LINGO2: variants seen among roughly 807,000 people sequenced by gnomAD.
LINGO2 encodes leucine rich repeat and Ig domain containing 2.
Under a neutral mutation model 30.6 loss-of-function variants are expected in LINGO2, and 14 were observed. The ratio of observed to expected loss-of-function variants is 0.46; its 90% CI spans 0.30 to 0.72. The LOEUF (loss-of-function observed/expected upper bound fraction) is 0.72, where lower values mean the gene tolerates loss of function less well. Ranked by LOEUF, LINGO2 falls within the 30% of genes least tolerant of loss-of-function variation. The probability of loss-of-function intolerance (pLI) is 0.07; values close to 1 mark genes in which losing one functional copy is unlikely to be tolerated. For missense variants in LINGO2, 729 were observed against 751.7 expected, an observed-to-expected ratio of 0.97 and a Z score of 0.35; for synonymous variants, 317 against 288.5, an observed-to-expected ratio of 1.10 and a Z score of -1.00.
At chr9:29,131,465 T>C in the LINGO2 span, among the ~76,000 whole-genome samples, 36,531 of 151,904 alleles carry the variant, frequency 0.24, 4,529 homozygotes, top group East Asian at 0.4. Flanking sequence ...CATCCAAATA[T>C]ACTGCCATCC....
At chr9:28,324,823 G>GC (rs1187621509) in intron 3 of LINGO2, among the ~76,000 whole-genome samples, 1 of 152,076 alleles carries the variant, frequency 6.6e-6, no homozygotes, top group Non-Finnish European at 1.5e-5. Flanking sequence ...CAGCTGAGCA[G>GC]CCCATGCCAC....
chr9:28,982,117 CT>C, the LINGO2 span, among the ~76,000 whole-genome samples: 1 of 152,040 alleles, frequency 6.6e-6, no homozygotes, highest in African/African-American at 2.4e-5. Context: ...GGCATATATA[CT>C]TTAAAAATTC....
At chr9:28,570,522 T>C (rs1823634838) in intron 1 of LINGO2, among the ~76,000 whole-genome samples, 1 of 151,896 alleles carries the variant, frequency 6.6e-6, no homozygotes, top group Admixed American at 6.6e-5. Flanking sequence ...TTAAATTTTC[T>C]TTCTGGATAT....
At chr9:28,371,573 G>A (rs1164268554) in intron 3 of LINGO2, among the ~76,000 whole-genome samples, 1 of 152,156 alleles carries the variant, frequency 6.6e-6, no homozygotes, top group East Asian at 1.9e-4. Flanking sequence ...CACCTTGGGG[G>A]TTAGGACTTC....
intron 3 of LINGO2, among the ~76,000 whole-genome samples, chr9:28,371,192 T>C (rs1339270292): frequency 6.6e-6 from 1 of 152,246 alleles, no homozygotes; most frequent in East Asian, 1.9e-4. Flanking sequence ...AATTAAGTTT[T>C]ACCATTTATC....
intron 4 of LINGO2, among the ~76,000 whole-genome samples, chr9:28,027,761 A>G (rs1428042646): frequency 6.6e-6 from 1 of 152,190 alleles, no homozygotes; most frequent in Non-Finnish European, 1.5e-5. Flanking sequence ...TGCTTAGTAG[A>G]TAAGAGCTAT....
At chr9:28,126,549 G>C (rs1827241310) in intron 4 of LINGO2, among the ~76,000 whole-genome samples, 1 of 152,198 alleles carries the variant, frequency 6.6e-6, no homozygotes, top group Non-Finnish European at 1.5e-5. Flanking sequence ...TGTCTGACAT[G>C]TTTGAGATGG....
intron 1 of LINGO2, among the ~76,000 whole-genome samples, chr9:28,490,791 T>A (rs938811376): frequency 6.4e-4 from 97 of 152,156 alleles, no homozygotes; most frequent in African/African-American, 2.1e-3. Flanking sequence ...AGGGTAGTTT[T>A]TCGTAATCTA....
At chr9:28,111,762 C>A (rs1229538621) in intron 4 of LINGO2, among the ~76,000 whole-genome samples, 1 of 152,028 alleles carries the variant, frequency 6.6e-6, no homozygotes, top group South Asian at 2.1e-4. Context: ...TTTATTAAAA[C>A]CAGGAAAGAA....
intron 3 of LINGO2, among the ~76,000 whole-genome samples, chr9:28,340,320 T>C (rs892024664): frequency 1.3e-5 from 2 of 152,158 alleles, no homozygotes; most frequent in African/African-American, 2.4e-5. Flanking sequence ...AAGCCCTCAA[T>C]ACTGCTAGCT....
intron 2 of LINGO2, among the ~76,000 whole-genome samples, chr9:28,429,520 G>A (rs1823559559): frequency 6.6e-6 from 1 of 152,050 alleles, no homozygotes; most frequent in African/African-American, 2.4e-5. Flanking sequence ...CTACCAATAT[G>A]GAGCTGTGCA....
the LINGO2 span, among the ~76,000 whole-genome samples, chr9:29,028,572 T>A: frequency 4.6e-5 from 7 of 152,150 alleles, no homozygotes; most frequent in African/African-American, 1.7e-4. Context: ...TATCCTCACT[T>A]TGAATCTAGG....
chr9:27,990,832 A>G (rs968715454), intron 5 of LINGO2, among the ~76,000 whole-genome samples: 2 of 152,038 alleles, frequency 1.3e-5, no homozygotes, highest in African/African-American at 4.8e-5. Context: ...AGAAGTCATT[A>G]AAGGTGTCAT....
chr9:28,418,839 G>A (rs1823075447), intron 2 of LINGO2, among the ~76,000 whole-genome samples: 1 of 151,894 alleles, frequency 6.6e-6, no homozygotes, highest in Admixed American at 6.6e-5. Flanking sequence ...TCTTTAATAT[G>A]GTTTGAGGTA....
intron 4 of LINGO2, among the ~76,000 whole-genome samples, chr9:28,209,756 A>T (rs1021590186): frequency 6.6e-6 from 1 of 151,794 alleles, no homozygotes; most frequent in African/African-American, 2.4e-5. Flanking sequence ...TACCAGGAGT[A>T]TGATGGGATG....
chr9:28,677,563 T>G, the LINGO2 span, among the ~76,000 whole-genome samples: 1 of 152,182 alleles, frequency 6.6e-6, no homozygotes, highest in Non-Finnish European at 1.5e-5. Context: ...CTTCACATAC[T>G]AGTCCAGATT....
At chr9:27,949,107 T>C (rs762217006) in exon 6 of LINGO2, 19 of 1,614,034 alleles carry the variant, frequency 1.2e-5, no homozygotes, top group South Asian at 4.4e-5. Flanking sequence ...AATGGTGTCA[T>C]TGGAGTCGGT....
At chr9:28,974,106 G>C in the LINGO2 span, among the ~76,000 whole-genome samples, 1 of 152,120 alleles carries the variant, frequency 6.6e-6, no homozygotes, top group Non-Finnish European at 1.5e-5. Flanking sequence ...GATATAGGCA[G>C]TACAACAATA....
chr9:28,010,982 G>T (rs1240770534), intron 5 of LINGO2, among the ~76,000 whole-genome samples: 6 of 152,126 alleles, frequency 3.9e-5, no homozygotes, highest in African/African-American at 7.2e-5. Flanking sequence ...TGGGTCCAAA[G>T]GTACCTTCCA....
Sources: gnomAD v4.1 joint callset for allele counts (sites outside exome capture counted in the v4.1 genomes callset) on GRCh38, gnomAD v4.1.1 for gene constraint, MANE v1.5 for transcripts, NCBI Gene and HGNC (gene_info 2026-07-23, HGNC 2026-07-21) for gene names.